PCDHA5: variants seen among roughly 807,000 people sequenced by gnomAD.
PCDHA5 encodes protocadherin alpha 5, also known as protocadherin alpha-5.
PCDHA5 carries 43 observed loss-of-function variants against 61.6 expected under a neutral mutation model. The ratio of observed to expected loss-of-function variants is 0.70; its 90% confidence interval spans 0.55 to 0.90. The LOEUF (loss-of-function observed/expected upper bound fraction) is 0.90, where lower values mean the gene tolerates loss of function less well. PCDHA5 is among the 40% of genes least tolerant of loss of function. The probability of loss-of-function intolerance (pLI) is 0.00; values close to 1 mark genes in which losing one functional copy is unlikely to be tolerated. For missense variants in PCDHA5, 1,298 were observed against 1,222.7 expected, an observed-to-expected ratio of 1.06 and a Z score of -0.92; for synonymous variants, 627 against 543.9, an observed-to-expected ratio of 1.15 and a Z score of -2.13.
chr5:140,828,573 A>T (rs1769832342), intron 1 of PCDHA5: 4 of 1,614,248 alleles, frequency 2.5e-6, no homozygotes, highest in Non-Finnish European at 3.4e-6. Context: ...TCCGATGCAG[A>T]TGTTGGCTCA....
At chr5:140,933,262 T>G (rs2088985963) in intron 1 of PCDHA5, among the ~76,000 whole-genome samples, 1 of 152,012 alleles carries the variant, frequency 6.6e-6, no homozygotes, top group South Asian at 2.1e-4. Flanking sequence ...AAAAGGTTAT[T>G]ATATATTCAT....
At chr5:140,952,088 A>G (rs2094684736) in intron 1 of PCDHA5, among the ~76,000 whole-genome samples, 1 of 152,154 alleles carries the variant, frequency 6.6e-6, no homozygotes, top group South Asian at 2.1e-4. Flanking sequence ...TCCATGTCTC[A>G]CATCCAGGGC....
rs2053060094 is a variant in PCDHA5, at chr5:140,871,409, T to A, written c.2352+47282T>A. The A allele has an allele frequency of 6.2e-7, 1 of 1,614,092 alleles. No individual in the cohort carries two copies. Among genetic ancestry groups the A allele is most frequent in the Non-Finnish European group, 8.5e-7 (1 of 1,179,968 alleles). The stretch of plus-strand genomic sequence containing the variant: ...GAGGGCCCACCTAAGACGGACCTCA[T>A]GGCCTTCAGCCCCAGTCTTCCTCTA... On this transcript the variant is annotated intron_variant, in intron 1 of 3. Transcript: ENST00000529859.
At chr5:141,008,435 G>C (rs2098377041) in intron 3 of PCDHA5, among the ~76,000 whole-genome samples, 1 of 152,160 alleles carries the variant, frequency 6.6e-6, no homozygotes, top group South Asian at 2.1e-4. Context: ...ACTTTGCCCA[G>C]ACAGACCATT....
At chr5:140,875,292 T>C in intron 1 of PCDHA5, 1 of 1,401,900 alleles carries the variant, frequency 7.1e-7, no homozygotes, top group Non-Finnish European at 9.3e-7. Context: ...ACAGGAAAAT[T>C]TTTTTCTCCG....
At chr5:140,896,555 T>C (rs2065621728) in intron 1 of PCDHA5, among the ~76,000 whole-genome samples, 1 of 151,910 alleles carries the variant, frequency 6.6e-6, no homozygotes, top group African/African-American at 2.4e-5. Context: ...TTTTGTATTT[T>C]AAGTAGAGAT....
intron 1 of PCDHA5, chr5:140,843,145 G>A (rs2150353812): frequency 1.3e-6 from 2 of 1,596,072 alleles, no homozygotes; most frequent in South Asian, 1.1e-5. Flanking sequence ...CGTGGCTTTC[G>A]TATGAGCTGC....
At chr5:140,914,445 T>C (rs782813943) in intron 1 of PCDHA5, among the ~76,000 whole-genome samples, 1 of 152,200 alleles carries the variant, frequency 6.6e-6, no homozygotes, top group South Asian at 2.1e-4. Flanking sequence ...CCCATGTCTT[T>C]ATTTTCCAGT....
rs782027925 is a variant in PCDHA5, at chr5:140,877,333, C to G, written c.2352+53206C>G. The G allele has an allele frequency of 2.5e-6, 4 of 1,613,992 alleles. No individual in the cohort carries two copies. The South Asian group carries it at 3.3e-5, about 13-fold the overall frequency. Reference sequence around the variant, plus strand: ...ACCGGCGGCGGTCGGCGCGCACATCCCGTTCCACGTGGGGCTGTACACTGG... The same window carrying G: ...ACCGGCGGCGGTCGGCGCGCACATCGCGTTCCACGTGGGGCTGTACACTGG... On this transcript the variant is annotated intron_variant, in intron 1 of 3. Transcript: ENST00000529859.
intron 1 of PCDHA5, chr5:140,968,302 G>C (rs2096236958): frequency 6.2e-7 from 1 of 1,613,812 alleles, no homozygotes; most frequent in African/African-American, 1.3e-5. Context: ...TGGAGAGGGA[G>C]ATTCAAGGGC....
chr5:140,994,788 C>G (rs139745274), intron 3 of PCDHA5, among the ~76,000 whole-genome samples: 1 of 152,194 alleles, frequency 6.6e-6, no homozygotes, highest in East Asian at 1.9e-4. Context: ...GGAAACAATG[C>G]GTGCATGCAA....
rs2150336569 is a variant in PCDHA5 at position 140,842,461 on chromosome 5, T to C, written c.2352+18334T>C. 48 of 1,613,688 alleles carry C rather than the reference T, an allele frequency of 3.0e-5. 1 individual carries two copies. Among genetic ancestry groups the C allele is most frequent in the Middle Eastern group, 3.3e-4 (2 of 6,082 alleles). On this transcript the variant is annotated intron_variant, in intron 1 of 3. Coordinates refer to ENST00000529859, the MANE Select transcript of PCDHA5 (RefSeq NM_018908.3). ...TTAGCGTGAACGACCTCGATTCAGG[T>C]GCCAACGGGCAGGTGACCTGCTCCC...
At chr5:140,895,351 T>C (rs1367078085) in intron 1 of PCDHA5, among the ~76,000 whole-genome samples, 2 of 152,180 alleles carry the variant, frequency 1.3e-5, no homozygotes, top group Admixed American at 1.3e-4. Context: ...TGCTTTCCAG[T>C]GAGTACTTAT....
At position 140,857,279 on chromosome 5, in the gene PCDHA5, G is replaced by A. The variant is rs782434219; in HGVS notation, c.2352+33152G>A. 6 of 1,598,610 alleles carry A rather than the reference G, an allele frequency of 3.8e-6. No homozygotes were observed. Among genetic ancestry groups the A allele is most frequent in the Admixed American group, 1.7e-5 (1 of 59,324 alleles). Reference sequence around the variant, plus strand: ...TTACTACTCATTGGTGCTGGACAGCGCTCTGGACCGCGAGAGGGTGTCGGC... The same window carrying A: ...TTACTACTCATTGGTGCTGGACAGCACTCTGGACCGCGAGAGGGTGTCGGC... On this transcript the variant is annotated intron_variant, in intron 1 of 3. Coordinates refer to ENST00000529859, the MANE Select transcript of PCDHA5 (RefSeq NM_018908.3).
At position 140,982,439 on chromosome 5, in the gene PCDHA5, G is replaced by A. The variant is rs553328430; in HGVS notation, c.2412-36G>A. The A allele has an allele frequency of 6.8e-5, 109 of 1,613,560 alleles. 3 individuals carry two copies. In the South Asian group the frequency reaches 1.0e-3, roughly 15 times the overall value. On this transcript the variant is annotated intron_variant, in intron 2 of 3. Transcript: ENST00000529859. ...GAAGAAGAGATGGGAAAGAATTTAT[G>A]ATCTAACCGTTATCTGGGTCTGTGT... is the stretch of plus-strand genomic sequence containing the variant.
rs1389760827 is a variant in PCDHA5 at position 140,823,577 on chromosome 5, G to A, written c.1802G>A (p.Gly601Asp). ...GTGCGCGCAGTGGACCCTGATTCGG[G>A]CTACAACGCTTGGCTTTCGTATGAG... ...AKVRAVDPDSGYNAWLSYELQ... is the reference protein window; with the variant it reads ...AKVRAVDPDSDYNAWLSYELQ... Residue 601 changes from glycine (G) to aspartate (D), a missense_variant, in exon 1 of 4, where the codon GGC (glycine) becomes GAC (aspartate). By Grantham distance (94) the Gly-to-Asp change is moderately conservative. Coordinates refer to ENST00000529859, the MANE Select transcript of PCDHA5 (RefSeq NM_018908.3). 1 of 1,613,854 alleles carries A rather than the reference G, an allele frequency of 6.2e-7. No individual in the cohort carries two copies. The highest frequency in any genetic ancestry group is 8.5e-7 in the Non-Finnish European group (1 of 1,179,928).
At chr5:140,984,464 C>T (rs890686701) in intron 3 of PCDHA5, among the ~76,000 whole-genome samples, 1 of 152,184 alleles carries the variant, frequency 6.6e-6, no homozygotes, top group Non-Finnish European at 1.5e-5. Context: ...GTCCCAGCCC[C>T]TCTTGTATAA....
intron 1 of PCDHA5, chr5:140,871,151 C>T: frequency 6.2e-7 from 1 of 1,613,328 alleles, no homozygotes; most frequent in Non-Finnish European, 8.5e-7. Flanking sequence ...CGGACTTTGG[C>T]GGGCGCCGCG....
Position 140,926,904 on chromosome 5 carries a change from T to G in PCDHA5, c.2353-52045T>G, listed in dbSNP as rs150445810. Reference sequence around the variant, plus strand: ...CGCCTAGAGGGAGGATGGTGGGCTGTGGGGTGGCAGTTTTATGTTTGTGGG... The same window carrying G: ...CGCCTAGAGGGAGGATGGTGGGCTGGGGGGTGGCAGTTTTATGTTTGTGGG... On this transcript the variant is annotated intron_variant, in intron 1 of 3. Transcript: ENST00000529859. 5,017 of 1,557,626 alleles carry G rather than the reference T, an allele frequency of 3.2e-3. 25 individuals carry two copies. Among genetic ancestry groups the G allele is most frequent in the African/African-American group, 0.019 (1,427 of 73,544 alleles).
Sources: allele counts gnomAD v4.1 joint callset (sites outside exome capture counted in the v4.1 genomes callset), GRCh38; gene constraint gnomAD v4.1.1; transcripts MANE v1.5; gene names NCBI Gene and HGNC (gene_info 2026-07-23, HGNC 2026-07-21).